RAD51B: variants seen among roughly 807,000 people sequenced by gnomAD.
RAD51B encodes the protein DNA repair protein RAD51 homolog 2.
Under a neutral mutation model 42.2 loss-of-function variants are expected in RAD51B, and 38 were observed. The observed-to-expected ratio is 0.90, with a 90% confidence interval of 0.70 to 1.18. The LOEUF (loss-of-function observed/expected upper bound fraction) is 1.18, where lower values mean the gene tolerates loss of function less well. RAD51B is among the 50% of genes most tolerant of loss of function. RAD51B has a pLI of 0.00. For missense variants in RAD51B, 373 were observed against 400.7 expected (o/e 0.93, Z 0.59); for synonymous variants, 154 against 145.2 (o/e 1.06, Z -0.43).
chr14:68,580,139 A>G (rs1890146525), intron 10 of RAD51B, among the ~76,000 whole-genome samples: 1 of 152,200 alleles, frequency 6.6e-6, no homozygotes, highest in Admixed American at 6.5e-5. Context: ...CCATTATCCC[A>G]GGACAAAACA....
chr14:68,043,768 A>G (rs536271218), intron 7 of RAD51B, among the ~76,000 whole-genome samples: 1 of 152,350 alleles, frequency 6.6e-6, no homozygotes, highest in South Asian at 2.1e-4. Flanking sequence ...CTGAAGAAAT[A>G]GATTGGAATT....
chr14:68,041,818 C>A, intron 7 of RAD51B, among the ~76,000 whole-genome samples: 1 of 152,238 alleles, frequency 6.6e-6, no homozygotes, highest in East Asian at 1.9e-4. Context: ...TTTCTTTTTA[C>A]TAAGATGTGC....
At chr14:67,845,751 A>G (rs867857135) in intron 4 of RAD51B, among the ~76,000 whole-genome samples, 5 of 152,068 alleles carry the variant, frequency 3.3e-5, no homozygotes, top group Admixed American at 6.5e-5. Context: ...TAGTCCTCCA[A>G]TCTCTTCCAG....
intron 4 of RAD51B, among the ~76,000 whole-genome samples, chr14:67,857,590 T>TA (rs1566927016): frequency 1.3e-5 from 2 of 152,216 alleles, no homozygotes; most frequent in African/African-American, 4.8e-5. Flanking sequence ...TTCACCCTTT[T>TA]AAAAATCACA....
chr14:68,105,237 C>G (rs1362464526), intron 7 of RAD51B, among the ~76,000 whole-genome samples: 1 of 151,670 alleles, frequency 6.6e-6, no homozygotes, highest in African/African-American at 2.4e-5. Flanking sequence ...TAGCTTCGGA[C>G]AATTTACCTA....
At chr14:68,086,251 G>A (rs1277634008) in intron 7 of RAD51B, among the ~76,000 whole-genome samples, 1 of 152,142 alleles carries the variant, frequency 6.6e-6, no homozygotes, top group African/African-American at 2.4e-5. Context: ...GCCAAACTCC[G>A]CGTTGTTGGC....
At chr14:67,825,438 A>G (rs766266925) in intron 2 of RAD51B, 26 bp from the exon 3 acceptor site, 113 of 1,519,454 alleles carry the variant, frequency 7.4e-5, no homozygotes, top group Non-Finnish European at 1.0e-4. Context: ...ATATATGTTT[A>G]AAATACTCTC....
chr14:68,514,341 G>A (rs1330660444), intron 10 of RAD51B, among the ~76,000 whole-genome samples: 3 of 152,190 alleles, frequency 2.0e-5, no homozygotes, highest in African/African-American at 7.2e-5. Flanking sequence ...GCCCAATAAT[G>A]CAGTCTGGAG....
chr14:67,985,564 A>G (rs1216861298), intron 7 of RAD51B, among the ~76,000 whole-genome samples: 1 of 152,080 alleles, frequency 6.6e-6, no homozygotes, highest in African/African-American at 2.4e-5. Context: ...TTCCTTTAAT[A>G]CAGCAGCTTT....
intron 7 of RAD51B, among the ~76,000 whole-genome samples, chr14:67,897,705 A>G (rs1470820720): frequency 6.6e-6 from 1 of 150,932 alleles, no homozygotes; most frequent in East Asian, 1.9e-4. Flanking sequence ...TCTGGAGTGC[A>G]ATGGCGCCAT....
chr14:68,515,447 T>C (rs957883192), intron 10 of RAD51B, among the ~76,000 whole-genome samples: 4 of 140,666 alleles, frequency 2.8e-5, no homozygotes, highest in African/African-American at 1.2e-4. Context: ...CTTCTTCTTT[T>C]TTTTTTTTTT....
chr14:68,356,497 A>G (rs2082906578), intron 8 of RAD51B, among the ~76,000 whole-genome samples: 1 of 151,666 alleles, frequency 6.6e-6, no homozygotes, highest in African/African-American at 2.4e-5. Context: ...CAATAGTATT[A>G]TATTTTTTAA....
intron 7 of RAD51B, among the ~76,000 whole-genome samples, chr14:68,181,600 C>T (rs1235640962): frequency 1.3e-5 from 2 of 152,194 alleles, no homozygotes; most frequent in Non-Finnish European, 2.9e-5. Context: ...AAGCCTGTGG[C>T]TTTGATTATG....
intron 8 of RAD51B, among the ~76,000 whole-genome samples, chr14:68,395,542 A>G (rs970559660): frequency 1.3e-5 from 2 of 152,178 alleles, no homozygotes; most frequent in African/African-American, 4.8e-5. Flanking sequence ...GTTTAAGGAA[A>G]TTTTTATGCT....
chr14:68,063,181 A>G (rs1432711273), intron 7 of RAD51B, among the ~76,000 whole-genome samples: 1 of 151,814 alleles, frequency 6.6e-6, no homozygotes, highest in African/African-American at 2.4e-5. Flanking sequence ...TTGAAAATGC[A>G]ACTTTCCATC....
intron 7 of RAD51B, among the ~76,000 whole-genome samples, chr14:68,160,558 A>G (rs911567425): frequency 3.3e-5 from 5 of 152,214 alleles, no homozygotes; most frequent in African/African-American, 1.2e-4. Context: ...GTCTTTATTT[A>G]AAATTCTGAT....
At chr14:68,342,532 G>A (rs1431392011) in intron 8 of RAD51B, among the ~76,000 whole-genome samples, 1 of 152,146 alleles carries the variant, frequency 6.6e-6, no homozygotes. Flanking sequence ...GAAGCTCACT[G>A]TTGCTATGTA....
chr14:68,499,182 C>T (rs1594915980), intron 10 of RAD51B, among the ~76,000 whole-genome samples: 2 of 152,282 alleles, frequency 1.3e-5, no homozygotes, highest in African/African-American at 2.4e-5. Flanking sequence ...GCCTAAGGGG[C>T]ACAATGGGTT....
At chr14:67,883,428 T>A (rs2042976676) in intron 5 of RAD51B, among the ~76,000 whole-genome samples, 1 of 152,132 alleles carries the variant, frequency 6.6e-6, no homozygotes, top group Non-Finnish European at 1.5e-5. Flanking sequence ...ACTCTCTGTG[T>A]TCCAGATACT....
Sources: gnomAD v4.1 joint callset for allele counts (sites outside exome capture counted in the v4.1 genomes callset) on GRCh38, gnomAD v4.1.1 for gene constraint, MANE v1.5 for transcripts, NCBI Gene and HGNC (gene_info 2026-07-23, HGNC 2026-07-21) for gene names.